RNF4: variants seen among roughly 807,000 people sequenced by gnomAD.
The protein encoded by RNF4 is E3 ubiquitin-protein ligase RNF4.
In RNF4, 7 loss-of-function variants were observed where a neutral mutation model predicts 24.3. The ratio of observed to expected loss-of-function variants is 0.29; its 90% confidence interval spans 0.16 to 0.54. The LOEUF is 0.54. RNF4 is among the 20% of genes least tolerant of loss of function. The probability of loss-of-function intolerance (pLI) is 0.95; values close to 1 mark genes in which losing one functional copy is unlikely to be tolerated. For synonymous variants in RNF4, 83 were observed against 84.3 expected (o/e 0.98, Z 0.09); for missense variants, 209 against 248.5 (o/e 0.84, Z 1.07).
chr4:2,475,603 G>T (rs1199923253), intron 1 of RNF4, among the ~76,000 whole-genome samples: 2 of 152,202 alleles, frequency 1.3e-5, no homozygotes, highest in Non-Finnish European at 2.9e-5. Context: ...CTCCCAAAGT[G>T]CTGGGATTAC....
At chr4:2,507,547 G>C (rs576242092) in intron 4 of RNF4, among the ~76,000 whole-genome samples, 1 of 152,322 alleles carries the variant, frequency 6.6e-6, no homozygotes, top group African/African-American at 2.4e-5. Context: ...GTGCAGTGCT[G>C]TGAGCTGTAA....
At position 2,512,020 on chromosome 4, in the gene RNF4, G is replaced by C; in HGVS notation, c.214+55G>C. 2 of 1,550,382 alleles carry C rather than the reference G, an allele frequency of 1.3e-6. No homozygotes were observed. Among genetic ancestry groups the C allele is most frequent in the Non-Finnish European group, 8.8e-7 (1 of 1,133,108 alleles). ...GTTTGGAGAGGAAACTGGCATAGGT[G>C]AGAGCCGCGGTGCTGCAGGTCTTGC... On this transcript the variant is annotated intron_variant, in intron 5 of 7. Transcript: ENST00000314289. This position sits in a 1 kb window ranked among gnomAD's most constrained non-coding sequence, Gnocchi z 4.1.
intron 4 of RNF4, among the ~76,000 whole-genome samples, chr4:2,511,120 G>A (rs1736261450): frequency 6.6e-6 from 1 of 152,254 alleles, no homozygotes; most frequent in Non-Finnish European, 1.5e-5. Flanking sequence ...CTGTCTAAAT[G>A]TTCACTGCCT....
chr4:2,513,928 A>G lies in RNF4; in HGVS notation c.*109A>G, dbSNP rs1736340140. The G allele has an allele frequency of 7.2e-7, 1 of 1,383,550 alleles. No homozygotes were observed. The highest frequency in any genetic ancestry group is 1.8e-5 in the Admixed American group (1 of 56,032). The allele number at this position is 1,383,550 out of a possible 1,614,324, so 85.7% of individuals were successfully genotyped here. A position where few individuals can be genotyped will look rare whatever the true frequency, so the allele number is the denominator to read the frequency against. ...TCAAAAAGACTGTTTCGAAACCAAC[A>G]TCTGATATGTAAACTGCTCTTTTGT... On this transcript the variant is annotated 3_prime_UTR_variant, in exon 8 of 8. Coordinates refer to ENST00000314289, the MANE Select transcript of RNF4 (RefSeq NM_002938.5).
chr4:2,506,528 G>A (rs184587538), intron 4 of RNF4, among the ~76,000 whole-genome samples: 22 of 151,100 alleles, frequency 1.5e-4, no homozygotes, highest in African/African-American at 5.3e-4. Flanking sequence ...TTTTTTCCAA[G>A]TTGTGTGCTT....
At chr4:2,507,760 G>A (rs751344726) in intron 4 of RNF4, among the ~76,000 whole-genome samples, 55 of 152,178 alleles carry the variant, frequency 3.6e-4, no homozygotes, top group Non-Finnish European at 7.1e-4. Context: ...AGGTCCACTC[G>A]TCTCTAAATG....
At chr4:2,470,986 G>A (rs1364534091) in intron 1 of RNF4, 2 of 130,754 alleles carry the variant, frequency 1.5e-5, no homozygotes, top group African/African-American at 5.9e-5. Flanking sequence ...TTTTTTTTGA[G>A]GTGGAATCTC....
In RNF4 at chr4:2,514,003, C is replaced by T. The variant is rs1045604677; in HGVS notation, c.*184C>T. 23 of 752,440 alleles carry T rather than the reference C, an allele frequency of 3.1e-5. No individual in the cohort carries two copies. Among genetic ancestry groups the T allele is most frequent in the Non-Finnish European group, 4.6e-5 (22 of 473,358 alleles). The allele number at this position is 752,440 out of a possible 1,614,324, so 46.6% of individuals were successfully genotyped here. A position where few individuals can be genotyped will look rare whatever the true frequency, so the allele number is the denominator to read the frequency against. On this transcript the variant is annotated 3_prime_UTR_variant, in exon 8 of 8. Coordinates refer to ENST00000314289, the MANE Select transcript of RNF4 (RefSeq NM_002938.5). ...TCCAGTTTGATGCTATGGCGCTGGA[C>T]CCAGGGCCCTCCCAGGCCATCTCTG...
chr4:2,480,845 G>A (rs1242108854), intron 1 of RNF4: 2 of 152,110 alleles, frequency 1.3e-5, no homozygotes, highest in African/African-American at 2.4e-5. Context: ...CCAAAGTCAG[G>A]TACTTTGAAC....
chr4:2,475,279 C>A (rs1735034126), intron 1 of RNF4, among the ~76,000 whole-genome samples: 1 of 152,248 alleles, frequency 6.6e-6, no homozygotes, highest in African/African-American at 2.4e-5. Context: ...GATCCTCTCA[C>A]CTCAGCCTCC....
At chr4:2,477,659 T>C (rs758307166) in intron 1 of RNF4, among the ~76,000 whole-genome samples, 1 of 152,208 alleles carries the variant, frequency 6.6e-6, no homozygotes, top group Non-Finnish European at 1.5e-5. Context: ...CTGCCATCTA[T>C]GTAAGGCATG....
chr4:2,513,547 G>A, intron 7 of RNF4, 123 bp from the exon 8 acceptor site: 1 of 1,165,772 alleles, frequency 8.6e-7, no homozygotes, highest in East Asian at 2.4e-5. Flanking sequence ...CCTCCCTGTT[G>A]TAGCCTGGCC....
Position 2,514,221 on chromosome 4 carries a change from C to G in RNF4, c.*402C>G, listed in dbSNP as rs1008268824. The G allele has an allele frequency of 2.2e-5, 5 of 231,638 alleles. No homozygotes were observed. The highest frequency in any genetic ancestry group is 1.3e-4 in the South Asian group (2 of 15,106). 14.3% of individuals were successfully genotyped at this position (231,638 alleles called of 1,614,324 possible). A position where few individuals can be genotyped will look rare whatever the true frequency, so the allele number is the denominator to read the frequency against. ...CCGGTCGACCAATCTGCCTGCCACA[C>G]ATTGACCAAGCCAGACCCGGTTCAC... On this transcript the variant is annotated 3_prime_UTR_variant, in exon 8 of 8. Transcript: ENST00000314289.
intron 1 of RNF4, among the ~76,000 whole-genome samples, chr4:2,484,291 C>T (rs1305360369): frequency 6.6e-6 from 1 of 151,898 alleles, no homozygotes; most frequent in Admixed American, 6.6e-5. Flanking sequence ...TCTGGTTCTG[C>T]TGTGCTCCCC....
intron 3 of RNF4, among the ~76,000 whole-genome samples, chr4:2,499,754 C>T (rs967819344): frequency 8.5e-5 from 13 of 152,176 alleles, no homozygotes; most frequent in African/African-American, 3.1e-4. Context: ...AGGCAAGCTT[C>T]ACAACAGATG....
intron 2 of RNF4, chr4:2,490,781 T>A (rs905479882): frequency 5.6e-5 from 19 of 341,484 alleles, no homozygotes; most frequent in African/African-American, 3.9e-4. Context: ...GTCAGTGTCA[T>A]AGAAATACTA....
At chr4:2,485,874 C>G (rs955620690) in intron 1 of RNF4, among the ~76,000 whole-genome samples, 1 of 152,152 alleles carries the variant, frequency 6.6e-6, no homozygotes, top group Non-Finnish European at 1.5e-5. Flanking sequence ...TGGTGGGGCC[C>G]TTTCTTGAAA....
chr4:2,513,322 A>G (rs1578529306), intron 7 of RNF4, among the ~76,000 whole-genome samples, 191 bp downstream of exon 7: 1 of 151,764 alleles, frequency 6.6e-6, no homozygotes, highest in African/African-American at 2.4e-5. Context: ...TACAACTTTC[A>G]CCTTCAGCCC....
At chr4:2,493,107 G>T (rs1735628492) in intron 2 of RNF4, among the ~76,000 whole-genome samples, 2 of 152,178 alleles carry the variant, frequency 1.3e-5, no homozygotes, top group South Asian at 4.1e-4. Context: ...GATTGAGCCT[G>T]TCTTGAGTGG....
Sources: gnomAD v4.1 joint callset for allele counts (sites outside exome capture counted in the v4.1 genomes callset) on GRCh38, gnomAD v4.1.1 for gene constraint, Gnocchi (gnomAD v3.1) non-coding constraint, MANE v1.5 for transcripts, NCBI Gene and HGNC (gene_info 2026-07-23, HGNC 2026-07-21) for gene names.